The following SWT1 variants were observed in gnomAD, a reference collection of about 807,000 sequenced individuals.
The protein encoded by SWT1 is SWT1 RNA endoribonuclease homolog.
SWT1 carries 33 observed loss-of-function variants against 107.3 expected under a neutral mutation model. The observed-to-expected ratio is 0.31, with a 90% CI of 0.23 to 0.41. The LOEUF is 0.41. Among genes scored for constraint, SWT1 ranks in the 10% least tolerant of loss-of-function variants. SWT1 has a pLI of 1.00. For synonymous variants in SWT1, 345 were observed against 348.3 expected (o/e 0.99, Z 0.11); for missense variants, 898 against 1,028.9 (o/e 0.87, Z 1.74).
Position 185,175,108 on chromosome 1 carries a change from A to T in SWT1, c.961A>T (p.Thr321Ser). Residue 321 changes from threonine (T) to serine (S), a missense_variant, in exon 5 of 19, where the codon ACC becomes TCC. Thr to Ser is a moderately conservative substitution (Grantham distance 58, BLOSUM62 1). This residue lies in a region of SWT1 where 382 missense variants were observed against 362.4 expected (regional missense o/e 1.05). Coordinates refer to ENST00000367500, the MANE Select transcript of SWT1 (RefSeq NM_017673.7). ...TGATTCACATTCTAGGGAAAACCTA[A>T]CCCAGGTAAGGTAGTAAAAAATGAA... ...SNDSHSRENLTQSFEAPCCSV... is the reference protein window; with the variant it reads ...SNDSHSRENLSQSFEAPCCSV... 1.3e-6 allele frequency: 2 copies of T among 1,539,284 alleles called. No homozygotes were observed. The highest frequency in any genetic ancestry group is 1.7e-6 in the Non-Finnish European group (2 of 1,146,362).
intron 16 of SWT1, among the ~76,000 whole-genome samples, chr1:185,245,433 C>G (rs1247851158): frequency 1.3e-5 from 2 of 151,998 alleles, no homozygotes; most frequent in African/African-American, 4.8e-5. Context: ...TTCTGAAATA[C>G]CTCTCAAAGA....
At chr1:185,189,198 A>G (rs1656739013) in intron 9 of SWT1, among the ~76,000 whole-genome samples, 1 of 151,928 alleles carries the variant, frequency 6.6e-6, no homozygotes. Context: ...CATGTTGCCC[A>G]GGCTGATCTT....
chr1:185,239,452 T>C (rs1661111364), intron 16 of SWT1, among the ~76,000 whole-genome samples: 1 of 152,118 alleles, frequency 6.6e-6, no homozygotes, highest in Non-Finnish European at 1.5e-5. Flanking sequence ...CAGTTGTCGG[T>C]ATGGTTATAT....
intron 14 of SWT1, among the ~76,000 whole-genome samples, chr1:185,218,968 C>T (rs191071929): frequency 1.3e-3 from 198 of 152,084 alleles, no homozygotes; most frequent in African/African-American, 4.4e-3. Flanking sequence ...AATCCACTTG[C>T]GTAGTATATA....
chr1:185,232,867 C>T (rs1660596531), intron 16 of SWT1, among the ~76,000 whole-genome samples: 1 of 152,096 alleles, frequency 6.6e-6, no homozygotes, highest in Non-Finnish European at 1.5e-5. Flanking sequence ...ATATTGATGC[C>T]TGGATCCTCC....
At chr1:185,215,957 T>G (rs566151041) in intron 14 of SWT1, among the ~76,000 whole-genome samples, 99 of 152,272 alleles carry the variant, frequency 6.5e-4, no homozygotes, top group African/African-American at 2.3e-3. Context: ...GTATAGATAT[T>G]ATGTTCTCTT....
At chr1:185,183,844 G>A (rs1346715699) in intron 7 of SWT1, among the ~76,000 whole-genome samples, 1 of 152,098 alleles carries the variant, frequency 6.6e-6, no homozygotes, top group African/African-American at 2.4e-5. Context: ...ATTGTCTAAA[G>A]GACTTCTCTT....
intron 10 of SWT1, among the ~76,000 whole-genome samples, chr1:185,195,569 G>A (rs1027710000): frequency 6.6e-6 from 1 of 152,176 alleles, no homozygotes; most frequent in Non-Finnish European, 1.5e-5. Context: ...ATGAGGAATC[G>A]CCACACTGTC....
chr1:185,168,930 G>GGGGA (rs1350926011), intron 4 of SWT1, among the ~76,000 whole-genome samples: 4 of 152,288 alleles, frequency 2.6e-5, no homozygotes, highest in African/African-American at 7.2e-5. Flanking sequence ...GGTGCAGAAA[G>GGGGA]TACTTGCTGC....
At chr1:185,226,837 G>T in intron 15 of SWT1, 1 of 1,527,258 alleles carries the variant, frequency 6.5e-7, no homozygotes, top group African/African-American at 1.4e-5. Flanking sequence ...TGAGCTCTGA[G>T]GAAGCTTGCC....
intron 1 of SWT1, among the ~76,000 whole-genome samples, chr1:185,157,864 T>TA (rs1449745107): frequency 1.3e-5 from 2 of 152,138 alleles, no homozygotes; most frequent in Non-Finnish European, 2.9e-5. Context: ...CCCCAAAACA[T>TA]ATGCTAGCGA....
At chr1:185,222,998 C>A (rs1223924535) in intron 15 of SWT1, among the ~76,000 whole-genome samples, 1 of 152,142 alleles carries the variant, frequency 6.6e-6, no homozygotes, top group East Asian at 1.9e-4. Context: ...GTATATAGTG[C>A]TACAGCAGAC....
At chr1:185,289,973 A>G (rs757030439) in intron 18 of SWT1, among the ~76,000 whole-genome samples, 1 of 152,126 alleles carries the variant, frequency 6.6e-6, no homozygotes, top group Non-Finnish European at 1.5e-5. Flanking sequence ...TCACTAAGAA[A>G]GTAGAGTTTG....
intron 16 of SWT1, among the ~76,000 whole-genome samples, chr1:185,241,133 T>G (rs1268094193): frequency 6.6e-6 from 1 of 152,168 alleles, no homozygotes; most frequent in Non-Finnish European, 1.5e-5. Context: ...TTAGGCTACT[T>G]CTTTAAACTA....
At chr1:185,263,514 C>G (rs926908878) in intron 16 of SWT1, 1 of 149,356 alleles carries the variant, frequency 6.7e-6, no homozygotes, top group Admixed American at 6.6e-5. Flanking sequence ...GGCTTGAAAA[C>G]ACCTTATCTA....
intron 1 of SWT1, among the ~76,000 whole-genome samples, chr1:185,158,369 C>T (rs1228717626): frequency 2.6e-5 from 4 of 151,568 alleles, no homozygotes; most frequent in Non-Finnish European, 5.9e-5. Flanking sequence ...CTGATCGTCC[C>T]GTACAGCTTT....
Position 185,204,802 on chromosome 1 carries a change from C to A in SWT1, c.1772C>A (p.Thr591Lys). ...IVSDLEKSLG[T>K]GLSSILETEM... The stretch of plus-strand genomic sequence containing the variant: ...TCTGATCTTGAAAAATCTCTTGGAA[C>A]AGGTTTATCTTCAATATTAGAAACA... Residue 591 changes from threonine to lysine, a missense_variant, in exon 12 of 19, where the codon ACA becomes AAA. By Grantham distance (78) the Thr-to-Lys change is moderately conservative. Coordinates refer to ENST00000367500, the MANE Select transcript of SWT1 (RefSeq NM_017673.7). 1 of 1,592,380 alleles carries A rather than the reference C, an allele frequency of 6.3e-7. No homozygotes were observed. Among genetic ancestry groups the A allele is most frequent in the Non-Finnish European group, 8.5e-7 (1 of 1,170,568 alleles).
At chr1:185,167,511 GT>G (rs1654685629) in intron 3 of SWT1, among the ~76,000 whole-genome samples, 1 of 152,142 alleles carries the variant, frequency 6.6e-6, no homozygotes, top group African/African-American at 2.4e-5. Context: ...GAATTTACTT[GT>G]TTTCATATAA....
chr1:185,257,939 G>C (rs992544912), intron 16 of SWT1: 9 of 152,138 alleles, frequency 5.9e-5, no homozygotes, highest in Non-Finnish European at 1.2e-4. Flanking sequence ...AGCAGTGGGA[G>C]TGGAGAAAGA....
Sources: gnomAD v4.1 joint callset for allele counts (sites outside exome capture counted in the v4.1 genomes callset) on GRCh38, gnomAD v4.1.1 for gene constraint, gnomAD v4.1.1 regional missense constraint, MANE v1.5 for transcripts, NCBI Gene and HGNC (gene_info 2026-07-23, HGNC 2026-07-21) for gene names.